Variants in NTRK2 observed in about 807,000 individuals in gnomAD.
NTRK2 encodes the protein neurotrophic receptor tyrosine kinase 2.
In NTRK2, 13 loss-of-function variants were observed where a neutral mutation model predicts 94.5. That is an observed-to-expected ratio of 0.14 (90% CI 0.09 to 0.22). The LOEUF is 0.22. Ranked by LOEUF, NTRK2 falls within the 10% of genes least tolerant of loss-of-function variation. The pLI, the probability that NTRK2 is intolerant of heterozygous loss-of-function variation, is 1.00. For missense variants in NTRK2, 639 were observed against 1,071.2 expected (o/e 0.60, Z 5.63); for synonymous variants, 372 against 407.4 (o/e 0.91, Z 1.05).
intron 8 of NTRK2, among the ~76,000 whole-genome samples, chr9:84,725,585 T>A (rs2062388741): frequency 6.6e-6 from 1 of 150,772 alleles, no homozygotes; most frequent in Non-Finnish European, 1.5e-5. Context: ...GGTCTACAAG[T>A]GTGTGTATCT....
Position 84,876,548 on chromosome 9 carries a change from A to G in NTRK2, c.1633+9117A>G, listed in dbSNP as rs1020040385. Reference sequence around the variant, plus strand: ...AGAACTCATGTTCTTACCTTCTATTAATAGAGTACTTGAGCCAGATGGACT... The same window carrying G: ...AGAACTCATGTTCTTACCTTCTATTGATAGAGTACTTGAGCCAGATGGACT... On this transcript the variant is annotated intron_variant, in intron 14 of 18. Transcript: ENST00000277120. 1.1e-5 allele frequency: 12 copies of G among 1,056,286 alleles called. No homozygotes were observed. The Admixed American group carries it at 4.9e-4, about 43-fold the overall frequency. The allele number at this position is 1,056,286 out of a possible 1,614,324, so 65.4% of individuals were successfully genotyped here.
chr9:84,752,685 T>C (rs1044482367), intron 12 of NTRK2, among the ~76,000 whole-genome samples: 4 of 152,262 alleles, frequency 2.6e-5, no homozygotes, highest in Admixed American at 6.5e-5. Flanking sequence ...AGATAACTTG[T>C]CTTTTTTTAG....
At chr9:84,949,363 A>C (rs1390305064) in intron 16 of NTRK2, among the ~76,000 whole-genome samples, 1 of 152,140 alleles carries the variant, frequency 6.6e-6, no homozygotes, top group Non-Finnish European at 1.5e-5. Flanking sequence ...AGGAAGAGAA[A>C]ATGTTGACTA....
intron 12 of NTRK2, among the ~76,000 whole-genome samples, chr9:84,765,785 C>T (rs1160643450): frequency 6.6e-6 from 1 of 152,194 alleles, no homozygotes; most frequent in East Asian, 1.9e-4. Context: ...CAGGGACTAA[C>T]ATTTTAAATT....
At chr9:84,854,734 G>A (rs2074974154) in intron 12 of NTRK2, among the ~76,000 whole-genome samples, 2 of 152,002 alleles carry the variant, frequency 1.3e-5, no homozygotes, top group Non-Finnish European at 2.9e-5. Context: ...ATCACTTGAG[G>A]TCAGGAGTTC....
At chr9:84,800,542 A>C in intron 12 of NTRK2, among the ~76,000 whole-genome samples, 1 of 152,202 alleles carries the variant, frequency 6.6e-6, no homozygotes, top group Non-Finnish European at 1.5e-5. Flanking sequence ...TATATTCCTC[A>C]GTCGAGGAAT....
At chr9:84,991,225 A>G (rs1287679085) in intron 17 of NTRK2, among the ~76,000 whole-genome samples, 3 of 152,220 alleles carry the variant, frequency 2.0e-5, no homozygotes, top group Non-Finnish European at 4.4e-5. Context: ...CAGTGGCAAG[A>G]TTCACATTTT....
chr9:84,813,977 T>C (rs1263093979), intron 12 of NTRK2: 1 of 1,065,270 alleles, frequency 9.4e-7, no homozygotes, highest in Non-Finnish European at 1.1e-6. Context: ...ACTGACTCTG[T>C]GACGACAAAA....
chr9:84,920,906 T>C (rs1172930721), intron 14 of NTRK2, among the ~76,000 whole-genome samples: 2 of 152,244 alleles, frequency 1.3e-5, no homozygotes, highest in Non-Finnish European at 2.9e-5. Flanking sequence ...AATTTAACAT[T>C]GGCTTATTCT....
At chr9:84,884,125 A>G (rs1031331508) in intron 14 of NTRK2, among the ~76,000 whole-genome samples, 11 of 152,372 alleles carry the variant, frequency 7.2e-5, no homozygotes, top group Admixed American at 5.2e-4. Flanking sequence ...AAAAGTATTC[A>G]AATTGCATTT....
intron 12 of NTRK2, among the ~76,000 whole-genome samples, chr9:84,797,660 T>TATATTATATATACTATAATAATA (rs1564297727): frequency 2.1e-4 from 9 of 42,274 alleles, no homozygotes; most frequent in African/African-American, 9.9e-4. Flanking sequence ...AATATATATA[T>TATATTATATATACTATAATAATA]TATATATTAT....
At chr9:84,878,949 G>A (rs993620881) in intron 14 of NTRK2, among the ~76,000 whole-genome samples, 14 of 152,222 alleles carry the variant, frequency 9.2e-5, no homozygotes, top group African/African-American at 2.9e-4. Context: ...TCACTGCCTC[G>A]TCTTCCCTTG....
chr9:84,917,357 A>C (rs1431439540), intron 14 of NTRK2, among the ~76,000 whole-genome samples: 1 of 152,172 alleles, frequency 6.6e-6, no homozygotes, highest in Non-Finnish European at 1.5e-5. Context: ...TCTGGGATGG[A>C]GATCATTCTG....
At chr9:84,878,866 G>A (rs1329484657) in intron 14 of NTRK2, among the ~76,000 whole-genome samples, 1 of 152,060 alleles carries the variant, frequency 6.6e-6, no homozygotes, top group Non-Finnish European at 1.5e-5. Flanking sequence ...GCTGTTATGT[G>A]TACATAAACT....
In NTRK2 at chr9:84,988,418, A is replaced by G. The variant is rs142536889; in HGVS notation, c.2173-31788A>G. ...GAATCAGGATCACCCTGGGAACTTA[A>G]TCTATAAATTTCATCTCTTTCACAC... is the stretch of plus-strand genomic sequence containing the variant. On this transcript the variant is annotated intron_variant, in intron 17 of 18. Transcript: ENST00000277120. Among the ~76,000 whole-genome samples the G allele has an allele frequency of 5.5e-3, 842 of 152,212 alleles. 8 individuals carry two copies. Among genetic ancestry groups the G allele is most frequent in the Middle Eastern group, 0.027 (8 of 294 alleles).
intron 14 of NTRK2, chr9:84,875,528 C>T: frequency 1.9e-6 from 2 of 1,063,328 alleles, no homozygotes; most frequent in South Asian, 9.1e-5. Flanking sequence ...CTTTTTGCCT[C>T]CAAGTTCTTC....
chr9:84,770,153 AACACACACACACAC>A (rs35363257), intron 12 of NTRK2, among the ~76,000 whole-genome samples: 9 of 136,956 alleles, frequency 6.6e-5, no homozygotes, highest in Non-Finnish European at 9.4e-5. Context: ...TGTGCATGAG[AACACACACACACAC>A]ACACACACAC....
chr9:84,913,089 T>C (rs1302198328), intron 14 of NTRK2, among the ~76,000 whole-genome samples: 1 of 152,218 alleles, frequency 6.6e-6, no homozygotes, highest in Admixed American at 6.5e-5. Context: ...TTTTTTGTTT[T>C]CTGTTTGTTC....
At chr9:84,951,921 A>G (rs1204193638) in intron 16 of NTRK2, among the ~76,000 whole-genome samples, 2 of 152,140 alleles carry the variant, frequency 1.3e-5, no homozygotes, top group Non-Finnish European at 2.9e-5. Context: ...GAAGCCATAT[A>G]TTAAGCACCA....
Sources: allele counts gnomAD v4.1 joint callset (sites outside exome capture counted in the v4.1 genomes callset), GRCh38; gene constraint gnomAD v4.1.1; transcripts MANE v1.5; gene names NCBI Gene and HGNC (gene_info 2026-07-23, HGNC 2026-07-21).